Variants in MIS18BP1 observed in about 807,000 individuals in gnomAD.
MIS18BP1 encodes the protein MIS18 binding protein 1, also known as mis18-binding protein 1.
MIS18BP1 carries 72 observed loss-of-function variants against 116.1 expected under a neutral mutation model. That is an observed-to-expected ratio of 0.62 (90% CI 0.51 to 0.75). The LOEUF (loss-of-function observed/expected upper bound fraction) is 0.75. Ranked by LOEUF, MIS18BP1 falls within the 30% of genes least tolerant of loss-of-function variation. MIS18BP1 has a pLI of 0.00. For missense variants in MIS18BP1, 1,363 were observed against 1,303.2 expected (o/e 1.05, Z -0.71); for synonymous variants, 386 against 427.0 (o/e 0.90, Z 1.18).
At chr14:45,226,349 A>G (rs1891122321) in intron 10 of MIS18BP1, among the ~76,000 whole-genome samples, 1 of 152,214 alleles carries the variant, frequency 6.6e-6, no homozygotes, top group Admixed American at 6.5e-5. Flanking sequence ...GCTAACATTT[A>G]GACGAAAGCC....
intron 1 of MIS18BP1, chr14:45,250,280 A>G (rs1039085867): frequency 1.3e-5 from 2 of 152,178 alleles, no homozygotes; most frequent in African/African-American, 4.8e-5. Flanking sequence ...ACTCAATATA[A>G]GCCAAGAAAA....
intron 4 of MIS18BP1, 88 bp from the exon 5 acceptor site, chr14:45,237,809 T>C (rs1891468653): frequency 6.8e-7 from 1 of 1,476,772 alleles, no homozygotes; most frequent in Non-Finnish European, 8.9e-7. Context: ...AGAAAAAACT[T>C]GTCTAAGTAA....
At chr14:45,245,069 A>C (rs1330457210) in intron 2 of MIS18BP1, among the ~76,000 whole-genome samples, 1 of 152,102 alleles carries the variant, frequency 6.6e-6, no homozygotes, top group Non-Finnish European at 1.5e-5. Flanking sequence ...AGCCTCAAAA[A>C]GAGCTGTCTA....
intron 8 of MIS18BP1, 26 bp from the exon 9 acceptor site, chr14:45,227,840 A>C (rs1891168588): frequency 6.2e-7 from 1 of 1,604,136 alleles, no homozygotes; most frequent in East Asian, 2.2e-5. Context: ...TGGAGATTTC[A>C]ATAAATGGTT....
rs1252962 is a variant in MIS18BP1 at position 45,249,437 on chromosome 14, T to A, written c.-91-2060A>T. On this transcript the variant is annotated intron_variant, in intron 1 of 16. Transcript: ENST00000310806. Reference sequence around the variant, plus strand: ...AGTTTCCCTATGTTGCCCAGGTTAGTCTCAAACTCCTGGGCTCAAGTGATC... The same window carrying A: ...AGTTTCCCTATGTTGCCCAGGTTAGACTCAAACTCCTGGGCTCAAGTGATC... 7.3e-3 allele frequency among the ~76,000 whole-genome samples: 1,107 copies of A among 151,824 alleles called. 21 individuals carry two copies. Among genetic ancestry groups the A allele is most frequent in the African/African-American group, 0.025 (1,053 of 41,450 alleles).
chr14:45,246,636 G>T, intron 2 of MIS18BP1, 107 bp downstream of exon 2: 2 of 1,007,882 alleles, frequency 2.0e-6, no homozygotes, highest in Non-Finnish European at 2.8e-6. Context: ...CAAGGGCAAG[G>T]ATTTTTGTCC....
chr14:45,207,360 G>A (rs1170218489), intron 14 of MIS18BP1, among the ~76,000 whole-genome samples: 2 of 152,174 alleles, frequency 1.3e-5, no homozygotes, highest in Non-Finnish European at 2.9e-5. Flanking sequence ...AACCTCGTCA[G>A]TTTTTAGCAA....
intron 4 of MIS18BP1, among the ~76,000 whole-genome samples, chr14:45,241,177 TAAGAATTA>T: frequency 6.6e-6 from 1 of 152,292 alleles, no homozygotes; most frequent in African/African-American, 2.4e-5. Context: ...ATCATACATT[TAAGAATTA>T]ATGGCTGGAT....
At chr14:45,221,167 G>A (rs925366293) in intron 11 of MIS18BP1, among the ~76,000 whole-genome samples, 11 of 151,626 alleles carry the variant, frequency 7.3e-5, no homozygotes, top group African/African-American at 1.7e-4. Flanking sequence ...AGCCGGGCGC[G>A]GTGGCTCAAG....
intron 11 of MIS18BP1, 27 bp from the exon 12 acceptor site, chr14:45,218,481 A>C: frequency 1.3e-6 from 2 of 1,569,842 alleles, no homozygotes; most frequent in Non-Finnish European, 1.7e-6. Context: ...CCAATTAAAG[A>C]ATAAGAAATT....
intron 5 of MIS18BP1, among the ~76,000 whole-genome samples, chr14:45,237,000 A>C (rs1489743134): frequency 1.3e-5 from 2 of 150,886 alleles, no homozygotes; most frequent in Non-Finnish European, 2.9e-5. Flanking sequence ...TGAGTACCTT[A>C]AACAGTTATA....
intron 2 of MIS18BP1, among the ~76,000 whole-genome samples, chr14:45,244,127 G>A (rs1891663916): frequency 6.6e-6 from 1 of 152,108 alleles, no homozygotes; most frequent in African/African-American, 2.4e-5. Flanking sequence ...AACCTACTGT[G>A]TAGTGGTTAA....
intron 13 of MIS18BP1, among the ~76,000 whole-genome samples, chr14:45,214,733 C>G (rs912765922): frequency 1.3e-5 from 2 of 152,158 alleles, no homozygotes; most frequent in African/African-American, 4.8e-5. Context: ...CTGTCTATTT[C>G]TACTTTAGTT....
chr14:45,238,518 A>C (rs1297561653), intron 4 of MIS18BP1, among the ~76,000 whole-genome samples: 1 of 152,190 alleles, frequency 6.6e-6, no homozygotes, highest in Non-Finnish European at 1.5e-5. Context: ...GCACATGTTG[A>C]TTATGTTCAT....
chr14:45,210,416 TGACATTGAGGA>T lies in MIS18BP1; in HGVS notation c.3105_3115del (p.Pro1036AlafsTer12). Reference sequence around the variant, plus strand: ...ACCTAGCATGCCAGGACTGACATGCTGACATTGAGGAGTTTTTACCAATGGAAAGATAACTG... The same window carrying T: ...ACCTAGCATGCCAGGACTGACATGCTGTTTTTACCAATGGAAAGATAACTG... On this transcript the variant is annotated frameshift_variant, in exon 14 of 17. Transcript: ENST00000310806. LOFTEE classifies it high-confidence loss of function. 2.5e-6 allele frequency: 4 copies of T among 1,614,040 alleles called. No individual in the cohort carries two copies. The highest frequency in any genetic ancestry group is 3.4e-6 in the Non-Finnish European group (4 of 1,179,946).
At position 45,227,399 on chromosome 14, in the gene MIS18BP1, C is replaced by T. The variant is rs574190668; in HGVS notation, c.1746+264G>A. 4.0e-5 allele frequency among the ~76,000 whole-genome samples: 6 copies of T among 151,764 alleles called. No homozygotes were observed. The South Asian group carries it at 6.3e-4, about 16-fold the overall frequency. On this transcript the variant is annotated intron_variant, in intron 9 of 16. Transcript: ENST00000310806. ...GTGCATGCCTGTAGTCCCAGCTACT[C>T]GGGAAGCTGAGGCAGGAGAATCACT...
intron 1 of MIS18BP1, among the ~76,000 whole-genome samples, 197 bp downstream of exon 1, chr14:45,252,838 A>G (rs1241671703): frequency 2.0e-5 from 3 of 152,200 alleles, no homozygotes; most frequent in Non-Finnish European, 4.4e-5. Flanking sequence ...AATTTGAGCA[A>G]TCGTGTTCTA....
chr14:45,219,569 G>A (rs1313608294), intron 11 of MIS18BP1, among the ~76,000 whole-genome samples: 1 of 152,122 alleles, frequency 6.6e-6, no homozygotes, highest in Admixed American at 6.6e-5. Flanking sequence ...AATAATTTAA[G>A]TTTATATAAT....
At chr14:45,222,979 CAG>C (rs1363970770) in intron 11 of MIS18BP1, among the ~76,000 whole-genome samples, 1 of 152,196 alleles carries the variant, frequency 6.6e-6, no homozygotes, top group Non-Finnish European at 1.5e-5. Context: ...TCTCATCTCT[CAG>C]AGTTTTAGAT....
Sources: allele counts gnomAD v4.1 joint callset (sites outside exome capture counted in the v4.1 genomes callset), GRCh38; gene constraint gnomAD v4.1.1; transcripts MANE v1.5; gene names NCBI Gene and HGNC (gene_info 2026-07-23, HGNC 2026-07-21).